ENOX1: variants seen among roughly 807,000 people sequenced by gnomAD.
ENOX1 encodes candidate growth-related and time keeping constitutive hydroquinone (NADH) oxidase.
Under a neutral mutation model 82.5 loss-of-function variants are expected in ENOX1, and 42 were observed. The observed-to-expected ratio is 0.51, with a 90% CI of 0.40 to 0.66. The LOEUF is 0.66. Among genes scored for constraint, ENOX1 ranks in the 30% least tolerant of loss-of-function variants. ENOX1 has a pLI of 0.00. For missense variants in ENOX1, 608 were observed against 811.6 expected (o/e 0.75, Z 3.05); for synonymous variants, 271 against 282.2 (o/e 0.96, Z 0.40).
At chr13:43,432,714 C>T (rs1185200588) in intron 3 of ENOX1, among the ~76,000 whole-genome samples, 1 of 152,160 alleles carries the variant, frequency 6.6e-6, no homozygotes, top group Non-Finnish European at 1.5e-5. Context: ...GATCTGTGTA[C>T]AGTTTCAACT....
chr13:43,249,928 C>A (rs1444752846), intron 14 of ENOX1, among the ~76,000 whole-genome samples: 1 of 152,168 alleles, frequency 6.6e-6, no homozygotes, highest in Non-Finnish European at 1.5e-5. Flanking sequence ...ACCAAGCGTT[C>A]CTGATTGCTT....
intron 1 of ENOX1, among the ~76,000 whole-genome samples, chr13:43,767,514 C>A (rs1438007621): frequency 1.3e-5 from 2 of 152,198 alleles, no homozygotes; most frequent in African/African-American, 4.8e-5. Flanking sequence ...AATTGCCTCA[C>A]GCCAAGGAGG....
At chr13:43,376,659 A>T (rs892990211) in intron 5 of ENOX1, among the ~76,000 whole-genome samples, 8 of 152,238 alleles carry the variant, frequency 5.3e-5, no homozygotes, top group African/African-American at 1.9e-4. Flanking sequence ...AGATTATAAC[A>T]GAAAGTCATA....
intron 2 of ENOX1, among the ~76,000 whole-genome samples, chr13:43,514,012 G>A (rs1297202849): frequency 2.6e-5 from 4 of 152,072 alleles, no homozygotes; most frequent in Non-Finnish European, 5.9e-5. Context: ...ATATTTGCAT[G>A]TGCATTTATT....
intron 3 of ENOX1, among the ~76,000 whole-genome samples, chr13:43,464,623 C>A (rs561803467): frequency 6.6e-6 from 1 of 152,228 alleles, no homozygotes; most frequent in African/African-American, 2.4e-5. Context: ...GAAAAAATTG[C>A]AAAGATAATA....
intron 1 of ENOX1, among the ~76,000 whole-genome samples, chr13:43,675,116 A>G (rs995186136): frequency 1.3e-5 from 2 of 152,146 alleles, no homozygotes; most frequent in East Asian, 3.9e-4. Flanking sequence ...TGTGTTCTAC[A>G]TTTTTGAAAG....
At chr13:43,757,190 T>C (rs910974178) in intron 1 of ENOX1, among the ~76,000 whole-genome samples, 3 of 152,140 alleles carry the variant, frequency 2.0e-5, no homozygotes, top group African/African-American at 7.2e-5. Context: ...AATTGCAAAA[T>C]GGCCCTCAAT....
intron 5 of ENOX1, among the ~76,000 whole-genome samples, chr13:43,390,985 T>C (rs7323275): frequency 0.27 from 41,076 of 151,956 alleles, 7,610 homozygotes; most frequent in East Asian, 0.52. Context: ...CCTTTTGGCT[T>C]TTTGCAAGAC....
intron 15 of ENOX1, among the ~76,000 whole-genome samples, chr13:43,235,216 A>AT (rs1188228922): frequency 6.6e-6 from 1 of 152,214 alleles, no homozygotes; most frequent in Non-Finnish European, 1.5e-5. Context: ...AGACTCATGC[A>AT]TGGCATGTTA....
rs143796459 is a variant in ENOX1, at chr13:43,288,732, AG to A, written c.1446+9613del. 5.6e-3 allele frequency among the ~76,000 whole-genome samples: 852 copies of A among 152,296 alleles called. 3 individuals are homozygous for A. Among genetic ancestry groups the A allele is most frequent in the Non-Finnish European group, 9.3e-3 (634 of 68,020 alleles). On this transcript the variant is annotated intron_variant, in intron 12 of 16. Transcript: ENST00000690772. ...CCTTCCTTCTAATTGAACATTTTTG[AG>A]GCTCATGAACTCTACTTAGAAGGTA...
chr13:43,781,038 G>A (rs1195046163), intron 1 of ENOX1, among the ~76,000 whole-genome samples: 1 of 152,098 alleles, frequency 6.6e-6, no homozygotes. Flanking sequence ...GCTATTAAAG[G>A]GCTATTCCAT....
At chr13:43,354,420 A>C (rs965804753) in intron 8 of ENOX1, among the ~76,000 whole-genome samples, 1 of 151,680 alleles carries the variant, frequency 6.6e-6, no homozygotes, top group Non-Finnish European at 1.5e-5. Context: ...AGGATTCTCA[A>C]GCCCTGGATG....
chr13:43,776,290 T>C (rs112199135), intron 1 of ENOX1, among the ~76,000 whole-genome samples: 233 of 151,982 alleles, frequency 1.5e-3, no homozygotes, highest in African/African-American at 4.3e-3. Context: ...TGGAGGGAGA[T>C]TGCCAAGTTG....
intron 2 of ENOX1, among the ~76,000 whole-genome samples, chr13:43,578,013 C>T (rs927619700): frequency 3.9e-5 from 6 of 152,060 alleles, no homozygotes; most frequent in African/African-American, 7.2e-5. Context: ...GATCCAGAGG[C>T]TTGATCAACT....
At chr13:43,278,971 G>T (rs1039314971) in intron 12 of ENOX1, among the ~76,000 whole-genome samples, 23 of 152,022 alleles carry the variant, frequency 1.5e-4, no homozygotes, top group African/African-American at 5.6e-4. Flanking sequence ...TTTAGAGGAG[G>T]AAATATTTAA....
chr13:43,740,515 T>C (rs1237457017), intron 1 of ENOX1, among the ~76,000 whole-genome samples: 1 of 152,130 alleles, frequency 6.6e-6, no homozygotes, highest in Non-Finnish European at 1.5e-5. Flanking sequence ...GGGGTACAAG[T>C]GCAGGTTTGT....
At chr13:43,714,164 G>C (rs1386136068) in intron 1 of ENOX1, among the ~76,000 whole-genome samples, 1 of 151,722 alleles carries the variant, frequency 6.6e-6, no homozygotes, top group Non-Finnish European at 1.5e-5. Context: ...CCTTCATTTC[G>C]TTATATACCC....
intron 2 of ENOX1, among the ~76,000 whole-genome samples, chr13:43,665,656 A>G (rs2084940970): frequency 6.6e-6 from 1 of 151,964 alleles, no homozygotes; most frequent in African/African-American, 2.4e-5. Flanking sequence ...TGCGATGCCA[A>G]CACAGACAGC....
intron 2 of ENOX1, among the ~76,000 whole-genome samples, chr13:43,573,895 T>C (rs1495764): frequency 0.98 from 149,314 of 152,266 alleles, 73,268 homozygotes; most frequent in East Asian, 1. Flanking sequence ...TTAAAGGCTT[T>C]CCAAGGCAAA....
Sources: allele counts gnomAD v4.1 joint callset (sites outside exome capture counted in the v4.1 genomes callset), GRCh38; gene constraint gnomAD v4.1.1; transcripts MANE v1.5; gene names NCBI Gene and HGNC (gene_info 2026-07-23, HGNC 2026-07-21).